The following SYCE3 variants were observed in gnomAD, a reference collection of about 807,000 sequenced individuals.
The protein encoded by SYCE3 is testis highly expressed gene 2 protein.
In SYCE3, 3 loss-of-function variants were observed where a neutral mutation model predicts 8.1. The ratio of observed to expected loss-of-function variants is 0.37; its 90% CI spans 0.17 to 0.96. The LOEUF is 0.96. Among genes scored for constraint, SYCE3 ranks in the 40% least tolerant of loss-of-function variants. The pLI is 0.41. For synonymous variants in SYCE3, 36 were observed against 38.7 expected (o/e 0.93, Z 0.26); for missense variants, 83 against 110.0 (o/e 0.75, Z 1.10).
intron 2 of SYCE3, among the ~76,000 whole-genome samples, chr22:50,555,130 T>TAAATAAATAAAAATTTAA (rs1381041863): frequency 3.8e-4 from 57 of 151,996 alleles, no homozygotes; most frequent in East Asian, 3.1e-3. Context: ...TTAAAATAAA[T>TAAATAAATAAAAATTTAA]AAATAAATAA....
chr22:50,557,792 T>C (rs1251955291), intron 1 of SYCE3, among the ~76,000 whole-genome samples: 1 of 152,178 alleles, frequency 6.6e-6, no homozygotes, highest in Admixed American at 6.6e-5. Context: ...ATGAGCCAGG[T>C]AAGCATAAAA....
At chr22:50,560,952 C>G (rs1465173462) in intron 1 of SYCE3, among the ~76,000 whole-genome samples, 4 of 152,128 alleles carry the variant, frequency 2.6e-5, no homozygotes, top group Non-Finnish European at 4.4e-5. Flanking sequence ...AACAGACATT[C>G]TTGGTTTGAG....
intron 2 of SYCE3, among the ~76,000 whole-genome samples, chr22:50,554,955 T>C (rs1199191282): frequency 6.6e-6 from 1 of 151,240 alleles, no homozygotes; most frequent in African/African-American, 2.4e-5. Context: ...ACCCCGTCTC[T>C]ACTAAAAATA....
In SYCE3 at chr22:50,556,435, C is replaced by G. The variant is rs6009996; in HGVS notation, c.1-30G>C. ...GCAATGCACAGAAAGAAGCTGCAGTCAGACAGACCTACATTTCAAATCCAG... is the reference window on the plus strand; with the variant it reads ...GCAATGCACAGAAAGAAGCTGCAGTGAGACAGACCTACATTTCAAATCCAG... On this transcript the variant is annotated intron_variant, in intron 1 of 2. Transcript: ENST00000406915. 2.1e-6 allele frequency: 3 copies of G among 1,456,136 alleles called. No homozygotes were observed. In the African/African-American group the frequency reaches 4.2e-5, roughly 20 times the overall value. 90.2% of individuals were successfully genotyped at this position (1,456,136 alleles called of 1,614,324 possible).
At chr22:50,560,884 C>T (rs1262873816) in intron 1 of SYCE3, among the ~76,000 whole-genome samples, 2 of 152,118 alleles carry the variant, frequency 1.3e-5, no homozygotes, top group Non-Finnish European at 2.9e-5. Flanking sequence ...GGGGGGATTT[C>T]AGGCCCGATG....
chr22:50,558,637 A>C (rs2069883753), intron 1 of SYCE3, among the ~76,000 whole-genome samples: 2 of 151,686 alleles, frequency 1.3e-5, no homozygotes, highest in African/African-American at 2.4e-5. Flanking sequence ...ACGTGCAGGG[A>C]CTCCGTCCTG....
At chr22:50,561,163 T>A (rs1007894349) in intron 1 of SYCE3, among the ~76,000 whole-genome samples, 1 of 151,968 alleles carries the variant, frequency 6.6e-6, no homozygotes, top group Non-Finnish European at 1.5e-5. Context: ...TGAGAGTGGC[T>A]TAAGGGGTGG....
chr22:50,559,158 AC>A (rs2069889741), intron 1 of SYCE3, among the ~76,000 whole-genome samples: 1 of 146,188 alleles, frequency 6.8e-6, no homozygotes, highest in Non-Finnish European at 1.5e-5. Context: ...ACGGAGTCTC[AC>A]TCTGTTGCCC....
chr22:50,554,326 G>A (rs1431882485), intron 2 of SYCE3, among the ~76,000 whole-genome samples: 1 of 152,092 alleles, frequency 6.6e-6, no homozygotes, highest in African/African-American at 2.4e-5. Context: ...CTCAGATTGA[G>A]GAAAGACTTT....
chr22:50,558,139 C>T (rs966598759), intron 1 of SYCE3, among the ~76,000 whole-genome samples: 6 of 152,176 alleles, frequency 3.9e-5, no homozygotes, highest in Non-Finnish European at 7.4e-5. Context: ...AAATCATGAT[C>T]GTGGCCAAGC....
chr22:50,554,709 A>AC (rs2069842175), intron 2 of SYCE3, among the ~76,000 whole-genome samples: 1 of 150,058 alleles, frequency 6.7e-6, no homozygotes, highest in Non-Finnish European at 1.5e-5. Context: ...AAAAAAAAAA[A>AC]AAAGGCCAGG....
At position 50,556,379 on chromosome 22, in the gene SYCE3, TC is replaced by T; in HGVS notation, c.26del (p.Arg9LysfsTer7). 6.4e-7 allele frequency: 1 copy of T among 1,552,040 alleles called. No homozygotes were observed. Among genetic ancestry groups the T allele is most frequent in the African/African-American group, 1.4e-5 (1 of 73,194 alleles). On this transcript the variant is annotated frameshift_variant, in exon 2 of 3. Transcript: ENST00000406915. LOFTEE classifies it high-confidence loss of function. Reference sequence around the variant, plus strand: ...GCATTTTCAGCATGTTGTCATAGTTTCTTTCCTCAGGGTCAGCATCATCCAT... The same window carrying T: ...GCATTTTCAGCATGTTGTCATAGTTTTTTCCTCAGGGTCAGCATCATCCAT... MDDADPEE[R>X]NYDNMLKMLS...
At chr22:50,558,284 T>C (rs2069880127) in intron 1 of SYCE3, among the ~76,000 whole-genome samples, 1 of 151,902 alleles carries the variant, frequency 6.6e-6, no homozygotes, top group South Asian at 2.1e-4. Flanking sequence ...ATTAGCCGGG[T>C]GTGGCGGCAG....
intron 1 of SYCE3, among the ~76,000 whole-genome samples, chr22:50,557,738 T>C (rs2069874785): frequency 2.6e-5 from 1 of 37,970 alleles, no homozygotes; most frequent in Non-Finnish European, 6.1e-5. Flanking sequence ...AGATAAATAA[T>C]GTAAGAGCTG....
chr22:50,551,698 G>C (rs1178887501), intron 2 of SYCE3, among the ~76,000 whole-genome samples: 1 of 152,228 alleles, frequency 6.6e-6, no homozygotes, highest in Non-Finnish European at 1.5e-5. Context: ...AGGAGAATTA[G>C]AGCAAACCGC....
chr22:50,559,125 ACT>A (rs2069889024), intron 1 of SYCE3, among the ~76,000 whole-genome samples: 1 of 135,490 alleles, frequency 7.4e-6, no homozygotes, highest in Non-Finnish European at 1.6e-5. Context: ...CTCACTACAC[ACT>A]CTTTTTTTTT....
chr22:50,555,475 G>A (rs1449754763), intron 2 of SYCE3, among the ~76,000 whole-genome samples: 1 of 152,146 alleles, frequency 6.6e-6, no homozygotes, highest in Non-Finnish European at 1.5e-5. Context: ...GGTATGCCTC[G>A]TTATACCTGC....
intron 1 of SYCE3, among the ~76,000 whole-genome samples, chr22:50,560,514 A>T (rs2069904116): frequency 6.6e-6 from 1 of 152,026 alleles, no homozygotes; most frequent in Non-Finnish European, 1.5e-5. Context: ...TCACTGGTCA[A>T]CTCGGTGAGA....
Position 50,551,382 on chromosome 22 carries a change from A to T in SYCE3, c.130T>A (p.Tyr44Asn). 1 of 1,550,418 alleles carries T rather than the reference A, an allele frequency of 6.4e-7. No homozygotes were observed. The highest frequency in any genetic ancestry group is 8.7e-7 in the Non-Finnish European group (1 of 1,146,852). The change falls in exon 3 of 3, where the codon TAT becomes AAT. Residue 44 changes from tyrosine to asparagine, a missense_variant. Transcript: ENST00000406915. ...TTGGTGCGCATCACCACCATGTCAT[A>T]GGCCATCCAGGTCGCCTGCACTGCA... Reference protein sequence around the residue: ...KISVQATWMAYDMVVMRTNPT... With the variant: ...KISVQATWMANDMVVMRTNPT...
Sources: allele counts gnomAD v4.1 joint callset (sites outside exome capture counted in the v4.1 genomes callset), GRCh38; gene constraint gnomAD v4.1.1; transcripts MANE v1.5; gene names NCBI Gene and HGNC (gene_info 2026-07-23, HGNC 2026-07-21).